SGK3: variants seen among roughly 807,000 people sequenced by gnomAD.
The protein encoded by SGK3 is serum/glucocorticoid regulated kinase family member 3.
SGK3 carries 47 observed loss-of-function variants against 68.5 expected under a neutral mutation model. The observed-to-expected ratio is 0.69, with a 90% CI of 0.54 to 0.87. SGK3 has a LOEUF of 0.87. Among genes scored for constraint, SGK3 ranks in the 40% least tolerant of loss-of-function variants. The pLI, the probability that SGK3 is intolerant of heterozygous loss-of-function variation, is 0.00. For missense variants in SGK3, 479 were observed against 575.5 expected, an observed-to-expected ratio of 0.83 and a Z score of 1.72; for synonymous variants, 181 against 189.1, an observed-to-expected ratio of 0.96 and a Z score of 0.35.
At chr8:66,730,620 T>C (rs1805122101) in intron 1 of SGK3, among the ~76,000 whole-genome samples, 1 of 152,150 alleles carries the variant, frequency 6.6e-6, no homozygotes, top group African/African-American at 2.4e-5. Context: ...TTAATTTTTG[T>C]TTATGGTGTG....
intron 1 of SGK3, among the ~76,000 whole-genome samples, chr8:66,761,545 G>T (rs1806164235): frequency 6.6e-6 from 1 of 152,152 alleles, no homozygotes; most frequent in Non-Finnish European, 1.5e-5. Context: ...GAGGCGGTCA[G>T]ATCACAAGAG....
At chr8:66,835,870 T>A in intron 9 of SGK3, 24 bp downstream of exon 9, 1 of 1,609,254 alleles carries the variant, frequency 6.2e-7, no homozygotes, top group African/African-American at 1.3e-5. Context: ...GTTGTTTCTC[T>A]CAAGCCCATT....
At chr8:66,802,492 C>T (rs1173924746) in intron 3 of SGK3, among the ~76,000 whole-genome samples, 2 of 151,984 alleles carry the variant, frequency 1.3e-5, no homozygotes, top group Non-Finnish European at 2.9e-5. Context: ...AGTTCAAGAC[C>T]AGCCCGGGCA....
rs1563654706 is a variant in SGK3, at chr8:66,839,559, T to TA, written c.742-444_742-443insA. Among the ~76,000 whole-genome samples, 28 of 70,336 alleles carry TA rather than the reference T, an allele frequency of 4.0e-4. 1 individual carries two copies. Among genetic ancestry groups the TA allele is most frequent in the Non-Finnish European group, 4.9e-4 (19 of 38,536 alleles). The allele number at this position is 70,336 out of a possible 152,430, so 46.1% of individuals were successfully genotyped here. ...TATATATATATATATATATATATAT[T>TA]TTCATATGGGTTATATTTGTTCTGC... On this transcript the variant is annotated intron_variant, in intron 10 of 16. Transcript: ENST00000521198.
Position 66,760,766 on chromosome 8 carries a change from C to CTTGTGTG in SGK3, c.-121-32850_-121-32849insTTGTGTG, listed in dbSNP as rs528498738. On this transcript the variant is annotated intron_variant, in intron 1 of 16. Transcript: ENST00000521198. ...TAGTTTAGATTGCATCTCAAACAAT[C>CTTGTGTG]ACACAAGGGCTTTTCTTCTAATCAT... 4.6e-4 allele frequency among the ~76,000 whole-genome samples: 70 copies of CTTGTGTG among 152,306 alleles called. 1 individual carries two copies. The South Asian group carries it at 0.013, about 28-fold the overall frequency.
chr8:66,771,598 C>T lies in SGK3; in HGVS notation c.-121-22018C>T, dbSNP rs541306615. ...ACTGAAAACCTTTCTAGTCCAACTC[C>T]AAGAAATGCTGTGTGATTCTTTTTC... On this transcript the variant is annotated intron_variant, in intron 1 of 16. Transcript: ENST00000521198. Among the ~76,000 whole-genome samples the T allele has an allele frequency of 1.4e-4, 21 of 152,258 alleles. No individual in the cohort carries two copies. In the South Asian group the frequency reaches 4.4e-3, roughly 32 times the overall value.
intron 5 of SGK3, among the ~76,000 whole-genome samples, chr8:66,817,272 A>G (rs1045926275): frequency 6.6e-6 from 1 of 151,984 alleles, no homozygotes; most frequent in African/African-American, 2.4e-5. Context: ...CTCTACTAAA[A>G]ATACAAAAAT....
intron 1 of SGK3, among the ~76,000 whole-genome samples, chr8:66,773,219 T>C (rs1417199910): frequency 1.3e-5 from 2 of 152,150 alleles, no homozygotes; most frequent in Non-Finnish European, 2.9e-5. Flanking sequence ...GTGGGAAATG[T>C]AGGTTAGGAT....
At chr8:66,721,000 A>G (rs1191449142) in intron 1 of SGK3, among the ~76,000 whole-genome samples, 2 of 152,182 alleles carry the variant, frequency 1.3e-5, no homozygotes, top group African/African-American at 4.8e-5. Flanking sequence ...GATGTTTTGA[A>G]ATACTCGTCT....
intron 1 of SGK3, among the ~76,000 whole-genome samples, chr8:66,733,926 C>G (rs1805238917): frequency 1.3e-5 from 2 of 152,290 alleles, no homozygotes; most frequent in East Asian, 3.9e-4. Context: ...AAGAATTATT[C>G]TACATGAACC....
chr8:66,732,902 C>T (rs766574026), intron 1 of SGK3, among the ~76,000 whole-genome samples: 5 of 152,054 alleles, frequency 3.3e-5, no homozygotes, highest in Non-Finnish European at 7.4e-5. Flanking sequence ...CAAATATACA[C>T]ATTGCAGTGA....
intron 13 of SGK3, among the ~76,000 whole-genome samples, chr8:66,842,311 C>T (rs900975823): frequency 6.6e-6 from 1 of 151,240 alleles, no homozygotes; most frequent in African/African-American, 2.4e-5. Flanking sequence ...AGCTCCGCCT[C>T]CCAGGTTCAC....
intron 3 of SGK3, among the ~76,000 whole-genome samples, chr8:66,802,572 C>G (rs1226633232): frequency 6.6e-6 from 1 of 151,842 alleles, no homozygotes; most frequent in Non-Finnish European, 1.5e-5. Context: ...TGCCTGTGGT[C>G]CCAGCTACTC....
At chr8:66,803,005 A>G (rs993884480) in intron 3 of SGK3, among the ~76,000 whole-genome samples, 4 of 152,252 alleles carry the variant, frequency 2.6e-5, no homozygotes, top group Non-Finnish European at 5.9e-5. Flanking sequence ...TCTTAAAAAC[A>G]AAACATATAC....
intron 1 of SGK3, among the ~76,000 whole-genome samples, chr8:66,748,123 G>A (rs1805703148): frequency 6.6e-6 from 1 of 152,162 alleles, no homozygotes; most frequent in Admixed American, 6.5e-5. Context: ...GGTATGTGAA[G>A]CATCTAACAC....
At chr8:66,729,906 A>G (rs1364149492) in intron 1 of SGK3, among the ~76,000 whole-genome samples, 1 of 151,972 alleles carries the variant, frequency 6.6e-6, no homozygotes, top group African/African-American at 2.4e-5. Flanking sequence ...CACCACACCC[A>G]GCTAATTTTT....
At chr8:66,718,024 T>A (rs1272201175) in intron 1 of SGK3, among the ~76,000 whole-genome samples, 5 of 144,050 alleles carry the variant, frequency 3.5e-5, no homozygotes, top group Non-Finnish European at 7.6e-5. Flanking sequence ...TACCTCCCTA[T>A]TTTTTTTTTC....
chr8:66,776,056 A>T (rs1445791053), intron 1 of SGK3, among the ~76,000 whole-genome samples: 1 of 152,256 alleles, frequency 6.6e-6, no homozygotes, highest in African/African-American at 2.4e-5. Flanking sequence ...TCAGATGGGC[A>T]TTAATCTCAA....
intron 2 of SGK3, 102 bp downstream of exon 2, chr8:66,793,934 C>A: frequency 8.4e-7 from 1 of 1,189,580 alleles, no homozygotes; most frequent in Non-Finnish European, 1.2e-6. Context: ...TCCCCATCTC[C>A]ACATACCTAG....
Sources: allele counts gnomAD v4.1 joint callset (sites outside exome capture counted in the v4.1 genomes callset), GRCh38; gene constraint gnomAD v4.1.1; transcripts MANE v1.5; gene names NCBI Gene and HGNC (gene_info 2026-07-23, HGNC 2026-07-21).